The following UTRN variants were observed in gnomAD, a reference collection of about 807,000 sequenced individuals.
UTRN encodes the protein dystrophin-related protein 1.
In UTRN, 283 loss-of-function variants were observed where a neutral mutation model predicts 463.9. The ratio of observed to expected loss-of-function variants is 0.61; its 90% CI spans 0.55 to 0.67. The LOEUF (loss-of-function observed/expected upper bound fraction) is 0.67, where lower values mean the gene tolerates loss of function less well. Ranked by LOEUF, UTRN falls within the 30% of genes least tolerant of loss-of-function variation. The probability of loss-of-function intolerance (pLI) is 0.00; values close to 1 mark genes in which losing one functional copy is unlikely to be tolerated. For synonymous variants in UTRN, 1,442 were observed against 1,431.5 expected, an observed-to-expected ratio of 1.01 and a Z score of -0.17; for missense variants, 3,922 against 4,084.3, an observed-to-expected ratio of 0.96 and a Z score of 1.08.
intron 30 of UTRN, among the ~76,000 whole-genome samples, 193 bp downstream of exon 30, chr6:144,489,027 G>GTTTATTTTATTTTATTTTATTTTAT (rs141795341): frequency 2.0e-5 from 3 of 148,354 alleles, no homozygotes; most frequent in African/African-American, 7.6e-5. Flanking sequence ...GTCTTATATA[G>GTTTATTTTATTTTATTTTATTTTAT]TTTATTTTAT....
intron 73 of UTRN, among the ~76,000 whole-genome samples, chr6:144,843,774 A>T (rs1184048138): frequency 6.6e-6 from 1 of 152,212 alleles, no homozygotes; most frequent in Non-Finnish European, 1.5e-5. Context: ...CTCAAAACCT[A>T]CTGAAATGCA....
intron 69 of UTRN, among the ~76,000 whole-genome samples, chr6:144,831,329 G>C (rs1780654669): frequency 6.6e-6 from 1 of 152,156 alleles, no homozygotes; most frequent in Non-Finnish European, 1.5e-5. Context: ...TCCTCATAAA[G>C]GGTAGGAAGG....
At chr6:144,406,418 G>C (rs1783421736) in intron 3 of UTRN, among the ~76,000 whole-genome samples, 1 of 141,220 alleles carries the variant, frequency 7.1e-6, no homozygotes, top group Admixed American at 7.6e-5. Context: ...GGAGTGCAGT[G>C]GTGCAATCTT....
At chr6:144,612,098 A>G (rs1805588582) in intron 51 of UTRN, among the ~76,000 whole-genome samples, 1 of 152,166 alleles carries the variant, frequency 6.6e-6, no homozygotes, top group South Asian at 2.1e-4. Context: ...ATTTTTGACA[A>G]AGGTGCCAGG....
intron 34 of UTRN, among the ~76,000 whole-genome samples, chr6:144,505,006 G>A (rs1358872989): frequency 6.6e-6 from 1 of 152,252 alleles, no homozygotes; most frequent in East Asian, 1.9e-4. Context: ...ATGTGTCCTG[G>A]AATTTACCCA....
Position 144,514,937 on chromosome 6 carries a change from C to T in UTRN, c.5244+117C>T, listed in dbSNP as rs1005797614. 1.7e-5 allele frequency: 19 copies of T among 1,129,396 alleles called. No individual in the cohort carries two copies. In the African/African-American group the frequency reaches 2.2e-4, roughly 13 times the overall value. 70.0% of individuals were successfully genotyped at this position (1,129,396 alleles called of 1,614,324 possible). A position where few individuals can be genotyped will look rare whatever the true frequency, so the allele number is the denominator to read the frequency against. On this transcript the variant is annotated intron_variant, in intron 37 of 74. Transcript: ENST00000367545. ...TATTATTTTAATTTTATTGTTTTCTCTCTCTGTCACCGAGGCTGGAGTGCA... is the reference window on the plus strand; with the variant it reads ...TATTATTTTAATTTTATTGTTTTCTTTCTCTGTCACCGAGGCTGGAGTGCA...
chr6:144,772,029 T>TG (rs1794104431), intron 59 of UTRN, 61 bp downstream of exon 59: 3 of 1,020,714 alleles, frequency 2.9e-6, no homozygotes, highest in South Asian at 1.8e-5. Context: ...TTTTTTTTTT[T>TG]TTTTTTTTTT....
intron 12 of UTRN, among the ~76,000 whole-genome samples, chr6:144,439,728 C>T (rs1786947952): frequency 6.6e-6 from 1 of 152,168 alleles, no homozygotes. Context: ...GTCTTGAACT[C>T]CTGACCTCAA....
intron 3 of UTRN, among the ~76,000 whole-genome samples, chr6:144,421,517 A>G (rs1390927003): frequency 1.3e-5 from 2 of 151,614 alleles, no homozygotes; most frequent in Non-Finnish European, 1.5e-5. Context: ...GTGAAACCCC[A>G]TCTCTACTAA....
intron 51 of UTRN, among the ~76,000 whole-genome samples, chr6:144,662,319 G>A (rs558641976): frequency 1.3e-5 from 2 of 152,226 alleles, no homozygotes; most frequent in South Asian, 2.1e-4. Flanking sequence ...TACCTCACAC[G>A]TCTCAAATAC....
intron 23 of UTRN, among the ~76,000 whole-genome samples, chr6:144,467,205 G>A (rs994251097): frequency 1.3e-5 from 2 of 152,194 alleles, no homozygotes; most frequent in African/African-American, 4.8e-5. Context: ...AAAATGTCAT[G>A]TACTTGCTAG....
chr6:144,370,354 C>T (rs890783116), intron 2 of UTRN, among the ~76,000 whole-genome samples: 1 of 152,314 alleles, frequency 6.6e-6, no homozygotes, highest in East Asian at 1.9e-4. Flanking sequence ...TAGCTCAGGC[C>T]GTTGATTCAA....
intron 53 of UTRN, among the ~76,000 whole-genome samples, chr6:144,726,160 A>T (rs1787856973): frequency 6.6e-6 from 1 of 152,216 alleles, no homozygotes; most frequent in Non-Finnish European, 1.5e-5. Flanking sequence ...ACAAAAATAA[A>T]AATCTGACAA....
intron 27 of UTRN, among the ~76,000 whole-genome samples, chr6:144,484,466 G>T (rs1792223933): frequency 9.1e-6 from 1 of 110,460 alleles, no homozygotes. Flanking sequence ...TTTTGAGATG[G>T]AGTTTCACTC....
At chr6:144,377,110 T>C (rs1780532025) in intron 2 of UTRN, among the ~76,000 whole-genome samples, 1 of 152,208 alleles carries the variant, frequency 6.6e-6, no homozygotes, top group Non-Finnish European at 1.5e-5. Context: ...TGATCTCAGC[T>C]CACTGCAACC....
At chr6:144,522,457 A>G (rs1319114711) in intron 40 of UTRN, among the ~76,000 whole-genome samples, 1 of 152,224 alleles carries the variant, frequency 6.6e-6, no homozygotes, top group Non-Finnish European at 1.5e-5. Context: ...TTCCTGTCTT[A>G]TAAACTAGAT....
rs145695224 is a variant in UTRN at position 144,355,730 on chromosome 6, C to G, written c.80-47393C>G. On this transcript the variant is annotated intron_variant, in intron 2 of 74. Transcript: ENST00000367545. ...AGTTACCACTTTTTGCCACTGTTAC[C>G]CAGTTTTCCCCACTGTTAACATCTT... Among the ~76,000 whole-genome samples the G allele has an allele frequency of 3.9e-3, 599 of 151,986 alleles. 9 individuals are homozygous for G. The highest frequency in any genetic ancestry group is 0.014 in the African/African-American group (573 of 41,482).
At chr6:144,758,094 A>T in intron 58 of UTRN, 105 bp downstream of exon 58, 1 of 913,010 alleles carries the variant, frequency 1.1e-6, no homozygotes, top group Non-Finnish European at 1.6e-6. Flanking sequence ...ATTCAGTCCT[A>T]TTATCTGAAA....
chr6:144,514,079 GT>G, intron 36 of UTRN, 42 bp downstream of exon 36: 1 of 1,609,950 alleles, frequency 6.2e-7, no homozygotes, highest in Non-Finnish European at 8.5e-7. Flanking sequence ...GGAGTGGCAT[GT>G]TTTGTTGTCA....
Sources: allele counts gnomAD v4.1 joint callset (sites outside exome capture counted in the v4.1 genomes callset), GRCh38; gene constraint gnomAD v4.1.1; transcripts MANE v1.5; gene names NCBI Gene and HGNC (gene_info 2026-07-23, HGNC 2026-07-21).